NRXN1: variants seen among roughly 807,000 people sequenced by gnomAD.
NRXN1 encodes the protein neurexin 1, also known as neurexin-1.
A neutral mutation model predicts 150.9 loss-of-function variants in NRXN1; 39 were observed. The ratio of observed to expected loss-of-function variants is 0.26; its 90% CI spans 0.20 to 0.34. NRXN1 has a LOEUF of 0.34. Ranked by LOEUF, NRXN1 falls within the 10% of genes least tolerant of loss-of-function variation. NRXN1 has a pLI of 1.00. For missense variants in NRXN1, 1,815 were observed against 1,949.9 expected, an observed-to-expected ratio of 0.93 and a Z score of 1.30; for synonymous variants, 924 against 757.0, an observed-to-expected ratio of 1.22 and a Z score of -3.62.
At chr2:50,804,464 G>A (rs1436846917) in intron 5 of NRXN1, among the ~76,000 whole-genome samples, 1 of 152,248 alleles carries the variant, frequency 6.6e-6, no homozygotes, top group Admixed American at 6.5e-5. Context: ...GGAAACACAT[G>A]TCAGAGCCAA....
intron 17 of NRXN1, chr2:50,464,116 A>G (rs1463699675): frequency 6.6e-6 from 1 of 151,800 alleles, no homozygotes; most frequent in Non-Finnish European, 1.5e-5. Context: ...ATATAACTCA[A>G]AATGGCGTTA....
chr2:50,374,841 G>A (rs770304878), intron 17 of NRXN1, among the ~76,000 whole-genome samples: 3 of 152,082 alleles, frequency 2.0e-5, no homozygotes, highest in Admixed American at 6.6e-5. Context: ...ACTGCAACAG[G>A]TTTCTGTAAA....
intron 21 of NRXN1, among the ~76,000 whole-genome samples, chr2:49,995,272 G>A (rs1682743452): frequency 6.6e-6 from 1 of 152,148 alleles, no homozygotes; most frequent in African/African-American, 2.4e-5. Flanking sequence ...TGAAATGAAT[G>A]TTTTATAAAA....
chr2:50,732,782 C>T (rs1698259605), intron 5 of NRXN1, among the ~76,000 whole-genome samples: 1 of 152,154 alleles, frequency 6.6e-6, no homozygotes, highest in Admixed American at 6.5e-5. Flanking sequence ...CCTCTCACAT[C>T]TGCTTTTATA....
intron 17 of NRXN1, among the ~76,000 whole-genome samples, chr2:50,412,534 A>T (rs535257235): frequency 4.7e-5 from 7 of 147,792 alleles, no homozygotes; most frequent in African/African-American, 9.8e-5. Flanking sequence ...AGGTTGGCTA[A>T]TACAATAATG....
chr2:50,424,295 AAGG>A (rs1199844494), intron 17 of NRXN1, among the ~76,000 whole-genome samples: 8 of 71,924 alleles, frequency 1.1e-4, no homozygotes, highest in Admixed American at 4.6e-4. Context: ...GAGGAAGAAG[AAGG>A]AGGAGGAGGA....
chr2:50,477,449 CTTAGAGG>C (rs2090081764), intron 15 of NRXN1, among the ~76,000 whole-genome samples: 1 of 152,110 alleles, frequency 6.6e-6, no homozygotes, highest in Non-Finnish European at 1.5e-5. Context: ...GAGGTTGGAG[CTTAGAGG>C]CCTTCCTTGG....
At chr2:50,363,389 T>G (rs1424463406) in intron 17 of NRXN1, among the ~76,000 whole-genome samples, 1 of 151,796 alleles carries the variant, frequency 6.6e-6, no homozygotes, top group Non-Finnish European at 1.5e-5. Flanking sequence ...TTAAACAAAT[T>G]TACAAGAAAA....
intron 21 of NRXN1, among the ~76,000 whole-genome samples, chr2:50,016,979 C>A (rs1686745192): frequency 6.6e-6 from 1 of 152,052 alleles, no homozygotes; most frequent in South Asian, 2.1e-4. Flanking sequence ...CTGACAAAGC[C>A]CATCCATCCT....
At chr2:50,301,962 A>G (rs1165127751) in intron 17 of NRXN1, among the ~76,000 whole-genome samples, 2 of 152,210 alleles carry the variant, frequency 1.3e-5, no homozygotes, top group Non-Finnish European at 2.9e-5. Flanking sequence ...TCTTCCCTTA[A>G]CTAATAGGCC....
Position 51,029,099 on chromosome 2 carries a change from C to A in NRXN1, c.-826G>T, listed in dbSNP as rs1028008532. The A allele has an allele frequency of 1.3e-5, 2 of 152,230 alleles. No individual in the cohort carries two copies. Among genetic ancestry groups the A allele is most frequent in the African/African-American group, 2.4e-5 (1 of 41,450 alleles). 9.4% of individuals were successfully genotyped at this position (152,230 alleles called of 1,614,324 possible). A position where few individuals can be genotyped will look rare whatever the true frequency, so the allele number is the denominator to read the frequency against. ...AACAGCTCCTCTTCTTTTCTCTCTG[C>A]CTCTGCAGGGCCAAGCTAAGATGCC... On this transcript the variant is annotated 5_prime_UTR_variant, in exon 2 of 23. Transcript: ENST00000401669.
At position 51,027,710 on chromosome 2, in the gene NRXN1, C is replaced by G. The variant is rs1460750651; in HGVS notation, c.564G>C (p.Arg188Ser). ...EPFKGWIRDVRVNSSQVLPVD... is the reference protein window; with the variant it reads ...EPFKGWIRDVSVNSSQVLPVD... ...CGGGCAGGACCTGCGAGGAGTTGAC[C>G]CTCACGTCACGAATCCACCCCTTGA... Residue 188 changes from arginine to serine, a missense_variant, in exon 2 of 23, where the codon AGG becomes AGC. Arg to Ser is a moderately radical substitution (Grantham distance 110). Coordinates refer to ENST00000401669, the MANE Select transcript of NRXN1 (RefSeq NM_001330078.2). 1.2e-6 allele frequency: 2 copies of G among 1,608,654 alleles called. No individual in the cohort carries two copies. The highest frequency in any genetic ancestry group is 1.7e-6 in the Non-Finnish European group (2 of 1,177,296).
intron 21 of NRXN1, among the ~76,000 whole-genome samples, chr2:50,012,622 G>A (rs1026054787): frequency 6.6e-6 from 1 of 152,050 alleles, no homozygotes; most frequent in Admixed American, 6.6e-5. Context: ...TCTTTGTCCT[G>A]GAGTCTCATA....
chr2:50,550,608 G>A (rs928017127), intron 9 of NRXN1, among the ~76,000 whole-genome samples: 35 of 151,680 alleles, frequency 2.3e-4, no homozygotes, highest in African/African-American at 8.2e-4. Flanking sequence ...AGTCAGAGGG[G>A]AACACTCTAT....
intron 5 of NRXN1, among the ~76,000 whole-genome samples, chr2:50,738,588 T>C (rs148833501): frequency 0.01 from 1,536 of 152,322 alleles, 12 homozygotes; most frequent in Non-Finnish European, 0.016. Flanking sequence ...ATGAGTTCTT[T>C]TGTGGAAATT....
chr2:50,752,888 C>T (rs1425806642), intron 5 of NRXN1, among the ~76,000 whole-genome samples: 1 of 151,880 alleles, frequency 6.6e-6, no homozygotes, highest in Non-Finnish European at 1.5e-5. Context: ...AAATGAATGA[C>T]TCTATGTTCC....
intron 18 of NRXN1, among the ~76,000 whole-genome samples, chr2:50,134,786 G>C (rs953246301): frequency 1.3e-5 from 2 of 152,092 alleles, no homozygotes; most frequent in Non-Finnish European, 1.5e-5. Flanking sequence ...TGAGTCGCAG[G>C]TTGTACATTT....
chr2:50,569,598 A>C (rs2105448200), intron 8 of NRXN1, among the ~76,000 whole-genome samples: 1 of 152,262 alleles, frequency 6.6e-6, no homozygotes, highest in South Asian at 2.1e-4. Flanking sequence ...AATAACCTTG[A>C]GAGTCACTCA....
chr2:50,455,196 T>C (rs138688526), intron 17 of NRXN1, among the ~76,000 whole-genome samples: 2 of 152,272 alleles, frequency 1.3e-5, no homozygotes, highest in Admixed American at 1.3e-4. Context: ...AAACTGCATG[T>C]TAACAAAACC....
Sources: gnomAD v4.1 joint callset for allele counts (sites outside exome capture counted in the v4.1 genomes callset) on GRCh38, gnomAD v4.1.1 for gene constraint, MANE v1.5 for transcripts, NCBI Gene and HGNC (gene_info 2026-07-23, HGNC 2026-07-21) for gene names.